APOLD1: variants seen among roughly 807,000 people sequenced by gnomAD.
APOLD1 encodes apolipoprotein L domain-containing protein 1.
Under a neutral mutation model 15.3 loss-of-function variants are expected in APOLD1, and 22 were observed. That is an observed-to-expected ratio of 1.44 (90% CI 1.03 to 2.05). APOLD1 has a LOEUF of 2.05. APOLD1 is among the 30% of genes most tolerant of loss of function. The probability of loss-of-function intolerance (pLI) is 0.00; values close to 1 mark genes in which losing one functional copy is unlikely to be tolerated. For synonymous variants in APOLD1, 190 were observed against 167.4 expected (o/e 1.13, Z -1.04); for missense variants, 394 against 353.5 (o/e 1.11, Z -0.92).
At chr12:12,763,982 A>G (rs1187474831) in intron 1 of APOLD1, among the ~76,000 whole-genome samples, 1 of 152,022 alleles carries the variant, frequency 6.6e-6, no homozygotes, top group East Asian at 1.9e-4. Context: ...TTATTTATTG[A>G]GATGGAGTTT....
Position 12,787,561 on chromosome 12 carries a change from A to C in APOLD1, c.656A>C (p.Gln219Pro), listed in dbSNP as rs759010096. ...GGGGCTCTGGACGAACTCAGCGAGC[A>C]GCTGGAGTCTCGGGTTCAGCTCTGC... ...CTGALDELSE[Q>P]LESRVQLCTK... The change falls in exon 2 of 2, where the codon CAG becomes CCG. Residue 219 changes from glutamine (Q) to proline (P), a missense_variant. Transcript: ENST00000356591. This position sits in a 1 kb window ranked among gnomAD's most constrained non-coding sequence, Gnocchi z 4.9. 1 of 1,613,652 alleles carries C rather than the reference A, an allele frequency of 6.2e-7. No homozygotes were observed. Among genetic ancestry groups the C allele is most frequent in the South Asian group, 1.1e-5 (1 of 91,092 alleles).
chr12:12,731,018 G>C (rs532924761), intron 1 of APOLD1, among the ~76,000 whole-genome samples: 96 of 152,202 alleles, frequency 6.3e-4, no homozygotes, highest in African/African-American at 2.2e-3. Flanking sequence ...GCGGGCGCCT[G>C]TAGTCCCAGC....
chr12:12,754,338 C>G (rs75017340), intron 1 of APOLD1, among the ~76,000 whole-genome samples: 1 of 151,880 alleles, frequency 6.6e-6, no homozygotes, highest in East Asian at 1.9e-4. Context: ...ACTGGGATTA[C>G]AAACATGAGC....
chr12:12,787,443 A>AT lies in APOLD1; in HGVS notation c.539dup (p.Arg182GlnfsTer10). 6.2e-7 allele frequency: 1 copy of AT among 1,614,136 alleles called. No individual in the cohort carries two copies. The highest frequency in any genetic ancestry group is 8.5e-7 in the Non-Finnish European group (1 of 1,180,016). On this transcript the variant is annotated frameshift_variant, in exon 2 of 2. Transcript: ENST00000356591. LOFTEE classifies it high-confidence loss of function. This position sits in a 1 kb window ranked among gnomAD's most constrained non-coding sequence, Gnocchi z 4.9. ...CTTCTTTGGCTCACGTGGCTTCCTCATCCCCAGGCGGGCGGAGGGGGACAC... is the reference window on the plus strand; with the variant it reads ...CTTCTTTGGCTCACGTGGCTTCCTCATTCCCCAGGCGGGCGGAGGGGGACAC...
intron 1 of APOLD1, among the ~76,000 whole-genome samples, chr12:12,741,793 G>C (rs1422908340): frequency 2.0e-5 from 3 of 152,144 alleles, no homozygotes; most frequent in Non-Finnish European, 4.4e-5. Context: ...CTTTAATCCT[G>C]AGATTAAATA....
intron 1 of APOLD1, among the ~76,000 whole-genome samples, chr12:12,746,910 T>A (rs1946770983): frequency 6.6e-6 from 1 of 152,204 alleles, no homozygotes; most frequent in Non-Finnish European, 1.5e-5. Context: ...TTTCTGTTCC[T>A]GCGTTAATTT....
chr12:12,766,516 G>T (rs944188614), intron 1 of APOLD1, among the ~76,000 whole-genome samples: 1 of 152,140 alleles, frequency 6.6e-6, no homozygotes, highest in East Asian at 1.9e-4. Context: ...ATTTCTGAGA[G>T]AGCCATAAAA....
At chr12:12,727,275 A>C (rs1946600624) in intron 1 of APOLD1, among the ~76,000 whole-genome samples, 1 of 152,250 alleles carries the variant, frequency 6.6e-6, no homozygotes, top group African/African-American at 2.4e-5. Flanking sequence ...ATATTTCATT[A>C]ATAATTTTAA....
intron 1 of APOLD1, among the ~76,000 whole-genome samples, chr12:12,734,045 A>G (rs1171296643): frequency 6.6e-6 from 1 of 152,106 alleles, no homozygotes; most frequent in Non-Finnish European, 1.5e-5. Flanking sequence ...CCATTTTTCT[A>G]TCTAACTTCA....
At chr12:12,763,167 C>G (rs772491200) in intron 1 of APOLD1, among the ~76,000 whole-genome samples, 1 of 152,110 alleles carries the variant, frequency 6.6e-6, no homozygotes. Context: ...GTTGTATATA[C>G]TCATTGTGCA....
chr12:12,787,028 G>T lies in APOLD1; in HGVS notation c.123G>T (p.Val41=). 2 of 1,379,458 alleles carry T rather than the reference G, an allele frequency of 1.4e-6. No homozygotes were observed. Among genetic ancestry groups the T allele is most frequent in the South Asian group, 3.4e-5 (2 of 59,554 alleles). 85.5% of individuals were successfully genotyped at this position (1,379,458 alleles called of 1,614,324 possible). The change falls in exon 2 of 2, where the codon GTG becomes GTT. Residue 41 remains valine, a synonymous_variant. Coordinates refer to ENST00000356591, the MANE Select transcript of APOLD1 (RefSeq NM_030817.3). This position sits in a 1 kb window ranked among gnomAD's most constrained non-coding sequence, Gnocchi z 4.9. ...LHGQVLRLRE[V]ARRLERLRRR... ...GCCAGGTGCTGCGCCTGCGCGAGGT[G>T]GCCCGGCGCCTGGAGCGCCTGCGCA...
intron 1 of APOLD1, among the ~76,000 whole-genome samples, chr12:12,778,376 A>G (rs1242597860): frequency 6.6e-6 from 1 of 151,092 alleles, no homozygotes; most frequent in Non-Finnish European, 1.5e-5. Context: ...CTGGAGTGCA[A>G]TGGTGTGACC....
intron 1 of APOLD1, among the ~76,000 whole-genome samples, chr12:12,760,111 C>T (rs529735479): frequency 1.1e-4 from 17 of 152,272 alleles, no homozygotes; most frequent in African/African-American, 3.6e-4. Flanking sequence ...CCAAGGCAGG[C>T]GGATCACTTG....
At chr12:12,750,664 CAT>C (rs1946806348) in intron 1 of APOLD1, among the ~76,000 whole-genome samples, 2 of 151,524 alleles carry the variant, frequency 1.3e-5, no homozygotes, top group Non-Finnish European at 3.0e-5. Flanking sequence ...ATACTTTTGT[CAT>C]GTAATCTCAT....
chr12:12,735,044 G>A (rs547753390), intron 1 of APOLD1, among the ~76,000 whole-genome samples: 6 of 152,152 alleles, frequency 3.9e-5, no homozygotes, highest in Non-Finnish European at 7.4e-5. Flanking sequence ...GGCTAAAATC[G>A]AAACTCTTTC....
At position 12,746,522 on chromosome 12, in the gene APOLD1, A is replaced by AATACATAC. The variant is rs547765144; in HGVS notation, c.96+20434_96+20441dup. On this transcript the variant is annotated intron_variant, in intron 1 of 1. Transcript: ENST00000326765. ...AAATAAATAAATAAATAAATACATAAATACATACATACATATTGCTCCAAA... is the reference window on the plus strand; with the variant it reads ...AAATAAATAAATAAATAAATACATAAATACATACATACATACATACATATTGCTCCAAA... Among the ~76,000 whole-genome samples, 1,036 of 144,150 alleles carry AATACATAC rather than the reference A, an allele frequency of 7.2e-3. 19 individuals carry two copies. Among genetic ancestry groups the AATACATAC allele is most frequent in the South Asian group, 0.07 (315 of 4,470 alleles). 94.6% of individuals were successfully genotyped at this position (144,150 alleles called of 152,430 possible).
At chr12:12,725,949 T>C (rs1359655094) in exon 1 of APOLD1, 38 of 1,387,896 alleles carry the variant, frequency 2.7e-5, no homozygotes, top group Non-Finnish European at 3.6e-5. Context: ...CGCGGGGCGG[T>C]CAGCGATCTG....
At chr12:12,727,126 A>G (rs1946599864) in intron 1 of APOLD1, among the ~76,000 whole-genome samples, 1 of 152,190 alleles carries the variant, frequency 6.6e-6, no homozygotes, top group African/African-American at 2.4e-5. Context: ...CCACTAAATT[A>G]AGCCACTTTC....
intron 1 of APOLD1, among the ~76,000 whole-genome samples, chr12:12,780,064 A>G (rs1947067168): frequency 6.6e-6 from 1 of 152,010 alleles, no homozygotes; most frequent in African/African-American, 2.4e-5. Context: ...ATTTTATGTT[A>G]AATTCTTATA....
Sources: gnomAD v4.1 joint callset for allele counts (sites outside exome capture counted in the v4.1 genomes callset) on GRCh38, gnomAD v4.1.1 for gene constraint, Gnocchi (gnomAD v3.1) non-coding constraint, MANE v1.5 for transcripts, NCBI Gene and HGNC (gene_info 2026-07-23, HGNC 2026-07-21) for gene names.